The following UBR2 variants were observed in gnomAD, a reference collection of about 807,000 sequenced individuals.
UBR2 encodes E3 ubiquitin-protein ligase UBR2.
Under a neutral mutation model 247.9 loss-of-function variants are expected in UBR2, and 92 were observed. The observed-to-expected ratio is 0.37, with a 90% confidence interval of 0.31 to 0.44. UBR2 has a LOEUF of 0.44. Ranked by LOEUF, UBR2 falls within the 20% of genes least tolerant of loss-of-function variation. The pLI is 1.00. For synonymous variants in UBR2, 672 were observed against 693.5 expected, an observed-to-expected ratio of 0.97 and a Z score of 0.49; for missense variants, 1,613 against 2,112.6, an observed-to-expected ratio of 0.76 and a Z score of 4.64.
chr6:42,632,822 A>G lies in UBR2; in HGVS notation c.1463A>G (p.Lys488Arg). ...ILDLKYVLIS[K>R]PTEWSDELRQ... Reference sequence around the variant, plus strand: ...TTGTTCAGGTATGTGTTAATTAGCAAACCAACTGAATGGTCAGATGAGCTG... The same window carrying G: ...TTGTTCAGGTATGTGTTAATTAGCAGACCAACTGAATGGTCAGATGAGCTG... The change falls in exon 13 of 47, where the codon AAA becomes AGA. Residue 488 changes from lysine to arginine, a missense_variant. Lys to Arg is a conservative substitution (Grantham distance 26). Coordinates refer to ENST00000372901, the MANE Select transcript of UBR2 (RefSeq NM_001363705.2). 1 of 1,602,442 alleles carries G rather than the reference A, an allele frequency of 6.2e-7. No homozygotes were observed. The highest frequency in any genetic ancestry group is 1.1e-5 in the South Asian group (1 of 88,040).
chr6:42,636,170 GTT>G (rs987138386), intron 14 of UBR2, among the ~76,000 whole-genome samples: 3 of 109,474 alleles, frequency 2.7e-5, no homozygotes, highest in Non-Finnish European at 3.6e-5. Context: ...GGCCATGGTT[GTT>G]TTTTTTTTTG....
intron 4 of UBR2, among the ~76,000 whole-genome samples, chr6:42,602,069 A>T (rs1582499994): frequency 6.6e-6 from 1 of 150,928 alleles, no homozygotes; most frequent in East Asian, 2.0e-4. Context: ...AGGTTTCACC[A>T]CATTGGCCAG....
chr6:42,588,870 C>T (rs1186056243), intron 2 of UBR2, among the ~76,000 whole-genome samples: 1 of 152,100 alleles, frequency 6.6e-6, no homozygotes, highest in Non-Finnish European at 1.5e-5. Context: ...AGATTTCTCG[C>T]CATTAAGTGA....
In UBR2 at chr6:42,652,034, G is replaced by A. The variant is rs371253524; in HGVS notation, c.2577G>A (p.Ala859=). 43 of 1,593,428 alleles carry A rather than the reference G, an allele frequency of 2.7e-5. No individual in the cohort carries two copies. Among genetic ancestry groups the A allele is most frequent in the Middle Eastern group, 1.7e-4 (1 of 6,030 alleles). ...TTATTTTTTATTAGGCAGAAGAAGC[G>A]CAACGGAAATTGAAAAGACAAAATA... ...SRAEQSKAEE[A]QRKLKRQNRE... The change falls in exon 24 of 47, where the codon GCG becomes GCA. Residue 859 remains alanine (A), a synonymous_variant. Transcript: ENST00000372901.
rs1236105150 is a variant in UBR2, at chr6:42,564,089, G to A, written c.-231G>A. 3 of 549,888 alleles carry A rather than the reference G, an allele frequency of 5.5e-6. No homozygotes were observed. The highest frequency in any genetic ancestry group is 2.4e-5 in the South Asian group (1 of 41,216). 34.1% of individuals were successfully genotyped at this position (549,888 alleles called of 1,614,324 possible). ...CTGTGTCCTTCCCTGGGTCAGGGAC[G>A]AGCCAGTGACTTGACTCTTGGGCGC... is the stretch of plus-strand genomic sequence containing the variant. On this transcript the variant is annotated 5_prime_UTR_variant, in exon 1 of 47. Transcript: ENST00000372901.
intron 34 of UBR2, among the ~76,000 whole-genome samples, chr6:42,668,393 AT>A (rs1431635120): frequency 6.6e-6 from 1 of 152,142 alleles, no homozygotes; most frequent in African/African-American, 2.4e-5. Context: ...ATTTTACTAA[AT>A]TCTAATCCAT....
chr6:42,640,645 G>C (rs1037592624), intron 16 of UBR2, among the ~76,000 whole-genome samples: 1 of 152,118 alleles, frequency 6.6e-6, no homozygotes, highest in Non-Finnish European at 1.5e-5. Context: ...GGGGACGTCA[G>C]TCTTTTCTCA....
At chr6:42,634,656 T>C (rs1346750318) in intron 13 of UBR2, among the ~76,000 whole-genome samples, 3 of 152,132 alleles carry the variant, frequency 2.0e-5, no homozygotes, top group African/African-American at 7.2e-5. Context: ...GGTTTCGCCA[T>C]GTTGGCCAGG....
chr6:42,632,770 A>G, intron 12 of UBR2, 35 bp from the exon 13 acceptor site: 1 of 1,589,772 alleles, frequency 6.3e-7, no homozygotes, highest in Non-Finnish European at 8.5e-7. Context: ...GTCAATGTTT[A>G]TGTTAATTGC....
intron 22 of UBR2, 60 bp from the exon 23 acceptor site, chr6:42,650,224 A>C (rs984415709): frequency 2.9e-6 from 4 of 1,362,574 alleles, no homozygotes; most frequent in Non-Finnish European, 3.1e-6. Flanking sequence ...ATCCAAGACT[A>C]TCTCTCATAA....
At chr6:42,606,109 G>A (rs1243063623) in intron 6 of UBR2, among the ~76,000 whole-genome samples, 1 of 152,030 alleles carries the variant, frequency 6.6e-6, no homozygotes, top group Non-Finnish European at 1.5e-5. Flanking sequence ...CAGGTGTAGT[G>A]GCATGAGCCG....
intron 1 of UBR2, among the ~76,000 whole-genome samples, chr6:42,572,974 G>A (rs1169959039): frequency 2.6e-5 from 4 of 152,052 alleles, no homozygotes; most frequent in African/African-American, 7.2e-5. Context: ...CAAAGTGCTG[G>A]GAAGCTTTTC....
chr6:42,660,144 C>T (rs576913430), intron 30 of UBR2, among the ~76,000 whole-genome samples: 14 of 152,320 alleles, frequency 9.2e-5, no homozygotes, highest in African/African-American at 3.1e-4. Context: ...CTTCAGTACA[C>T]TTGCAAAGTC....
chr6:42,680,191 G>T (rs1046515643), intron 42 of UBR2, among the ~76,000 whole-genome samples: 6 of 151,954 alleles, frequency 3.9e-5, no homozygotes, highest in South Asian at 2.1e-4. Flanking sequence ...CCACCATGTT[G>T]GTCAGGCTGG....
rs915813956 is a variant in UBR2 at position 42,689,913 on chromosome 6, A to G, written c.5126+243A>G. ...GACAGAGTGCAACTTTATTCCATTT[A>G]TCACTCCAAAGAACTGTTTGAATTG... is the stretch of plus-strand genomic sequence containing the variant. On this transcript the variant is annotated intron_variant, in intron 46 of 46. Coordinates refer to ENST00000372901, the MANE Select transcript of UBR2 (RefSeq NM_001363705.2). This position sits in a 1 kb window ranked among gnomAD's most constrained non-coding sequence, Gnocchi z 4.0. Among the ~76,000 whole-genome samples, 1 of 152,128 alleles carries G rather than the reference A, an allele frequency of 6.6e-6. No individual in the cohort carries two copies. Among genetic ancestry groups the G allele is most frequent in the African/African-American group, 2.4e-5 (1 of 41,418 alleles).
intron 21 of UBR2, among the ~76,000 whole-genome samples, chr6:42,645,819 A>G (rs1335187283): frequency 2.0e-5 from 3 of 152,222 alleles, no homozygotes; most frequent in African/African-American, 4.8e-5. Context: ...GAAGATAAGG[A>G]CACTAAACAA....
In UBR2 at chr6:42,617,184, A is replaced by C. The variant is rs1265771532; in HGVS notation, c.1183-225A>C. The C allele has an allele frequency of 2.6e-6, 4 of 1,530,146 alleles. No individual in the cohort carries two copies. The African/African-American group carries it at 5.5e-5, about 21-fold the overall frequency. 94.8% of individuals were successfully genotyped at this position (1,530,146 alleles called of 1,614,324 possible). A position where few individuals can be genotyped will look rare whatever the true frequency, so the allele number is the denominator to read the frequency against. ...CCTCCAGCACTGACTTTTCATTATA[A>C]TCCTTAAACATTTGGTCATTGTGGA... On this transcript the variant is annotated intron_variant, in intron 10 of 46. Transcript: ENST00000372901.
chr6:42,649,547 C>T (rs965781299), intron 22 of UBR2, among the ~76,000 whole-genome samples: 8 of 152,188 alleles, frequency 5.3e-5, no homozygotes, highest in African/African-American at 1.4e-4. Context: ...TCGATTTACA[C>T]TCTGACTAGA....
At chr6:42,595,155 T>G (rs73438698) in intron 4 of UBR2, among the ~76,000 whole-genome samples, 10 of 152,124 alleles carry the variant, frequency 6.6e-5, no homozygotes, top group African/African-American at 2.4e-4. Flanking sequence ...ATTATTTGGT[T>G]TTGGAAACCT....
Sources: gnomAD v4.1 joint callset for allele counts (sites outside exome capture counted in the v4.1 genomes callset) on GRCh38, gnomAD v4.1.1 for gene constraint, Gnocchi (gnomAD v3.1) non-coding constraint, MANE v1.5 for transcripts, NCBI Gene and HGNC (gene_info 2026-07-23, HGNC 2026-07-21) for gene names.